The following HOGA1 variants were observed in gnomAD, a reference collection of about 807,000 sequenced individuals.
HOGA1 encodes 4-hydroxy-2-oxoglutarate aldolase 1, also known as 4-hydroxy-2-oxoglutarate aldolase, mitochondrial.
A neutral mutation model predicts 34.3 loss-of-function variants in HOGA1; 30 were observed. The observed-to-expected ratio is 0.87, with a 90% confidence interval of 0.65 to 1.19. The LOEUF (loss-of-function observed/expected upper bound fraction) is 1.19. Among genes scored for constraint, HOGA1 ranks in the 50% most tolerant of loss-of-function variants. HOGA1 has a pLI of 0.00. For missense variants in HOGA1, 417 were observed against 436.5 expected, an observed-to-expected ratio of 0.96 and a Z score of 0.40; for synonymous variants, 161 against 174.0, an observed-to-expected ratio of 0.93 and a Z score of 0.59.
At chr10:97,600,375 C>T (rs1215537789) in intron 5 of HOGA1, 11 of 622,812 alleles carry the variant, frequency 1.8e-5, no homozygotes, top group South Asian at 9.1e-5. Flanking sequence ...GGAGGATGGC[C>T]GTGTACAATC....
intron 1 of HOGA1, chr10:97,590,287 C>A (rs769587708): frequency 1.9e-6 from 3 of 1,613,770 alleles, no homozygotes; most frequent in African/African-American, 1.3e-5. Flanking sequence ...TGGCTGCCTG[C>A]ACCAAGGAGA....
intron 6 of HOGA1, among the ~76,000 whole-genome samples, chr10:97,609,990 T>A (rs2041183463): frequency 6.6e-6 from 1 of 152,258 alleles, no homozygotes; most frequent in Non-Finnish European, 1.5e-5. Flanking sequence ...AACAACCTTT[T>A]ATTTTTATCC....
rs185296607 is a variant in HOGA1, at chr10:97,606,096, G to A, written c.834+4106G>A. ...TCAGGAGTTCAAGACCTGCCTGGTC[G>A]AGATGGTGAAACCCCGTCTCTACTA... On this transcript the variant is annotated intron_variant, in intron 6 of 6. Transcript: ENST00000370646. 7.2e-4 allele frequency among the ~76,000 whole-genome samples: 97 copies of A among 135,662 alleles called. 4 individuals carry two copies. The East Asian group carries it at 0.018, about 26-fold the overall frequency. 89.0% of individuals were successfully genotyped at this position (135,662 alleles called of 152,430 possible). A position where few individuals can be genotyped will look rare whatever the true frequency, so the allele number is the denominator to read the frequency against.
At position 97,584,590 on chromosome 10, in the gene HOGA1, G is replaced by A. The variant is rs559777676; in HGVS notation, c.-114G>A. The A allele has an allele frequency of 4.1e-4, 412 of 994,762 alleles. No homozygotes were observed. Among genetic ancestry groups the A allele is most frequent in the Non-Finnish European group, 5.8e-4 (382 of 662,350 alleles). 61.6% of individuals were successfully genotyped at this position (994,762 alleles called of 1,614,324 possible). A position where few individuals can be genotyped will look rare whatever the true frequency, so the allele number is the denominator to read the frequency against. On this transcript the variant is annotated 5_prime_UTR_variant, in exon 1 of 7. Transcript: ENST00000370646. ...GCCTGCCCCAGTGGCCACAAGTCAG[G>A]GAGGCCGCAAATTTTTAACTAGAAA...
intron 1 of HOGA1, chr10:97,590,559 G>T (rs148944512): frequency 6.2e-7 from 1 of 1,611,254 alleles, no homozygotes; most frequent in Non-Finnish European, 8.5e-7. Context: ...CTGCCTAATC[G>T]CAGACACTAG....
In HOGA1 at chr10:97,601,925, T is replaced by G. The variant is rs267606764; in HGVS notation, c.769T>G (p.Cys257Gly). 2.0e-5 allele frequency: 33 copies of G among 1,613,152 alleles called. No individual in the cohort carries two copies. In the East Asian group the frequency reaches 6.2e-4, roughly 31 times the overall value. Residue 257 changes from cysteine to glycine, a missense_variant, in exon 6 of 7, where the codon TGC becomes GGC. By Grantham distance (159) the Cys-to-Gly change is radical (BLOSUM62 -3). Coordinates refer to ENST00000370646, the MANE Select transcript of HOGA1 (RefSeq NM_138413.4). ...GAQVCQLERLCCTGQWEDAQK... is the reference protein window; with the variant it reads ...GAQVCQLERLGCTGQWEDAQK... ...TCAGGTGTGCCAGCTGGAGCGACTG[T>G]GCTGCACGGGGCAATGGGAAGATGC... is the stretch of plus-strand genomic sequence containing the variant.
chr10:97,601,768 TCCCC>T, intron 5 of HOGA1, 85 bp from the exon 6 acceptor site: 1 of 1,479,934 alleles, frequency 6.8e-7, no homozygotes, highest in Non-Finnish European at 9.4e-7. Context: ...GTATCTAATG[TCCCC>T]AGGCTGAAGA....
chr10:97,593,029 C>CAAAAAAAAAAAAAAAA (rs1169191059), intron 1 of HOGA1, among the ~76,000 whole-genome samples: 556 of 47,674 alleles, frequency 0.012, 6 homozygotes, highest in Non-Finnish European at 0.019. Context: ...GACTCTGTCT[C>CAAAAAAAAAAAAAAAA]AAAAAAAAAA....
chr10:97,584,947 A>AGT (rs780503515), intron 1 of HOGA1, 33 bp downstream of exon 1: 29 of 1,583,886 alleles, frequency 1.8e-5, no homozygotes, highest in African/African-American at 2.7e-5. Context: ...GGACCTGGGG[A>AGT]GATGTGAGTG....
rs545636838 is a variant in HOGA1 at position 97,585,935 on chromosome 10, A to G, written c.211+1021A>G. On this transcript the variant is annotated intron_variant, in intron 1 of 6. Transcript: ENST00000370646. ...GGAGGGATCATGAGGTCAGGAGTTC[A>G]AGACCAGCCTGGCCAACATAGTGAA... Among the ~76,000 whole-genome samples, 163 of 152,204 alleles carry G rather than the reference A, an allele frequency of 1.1e-3. 1 individual carries two copies. Among genetic ancestry groups the G allele is most frequent in the African/African-American group, 3.9e-3 (160 of 41,512 alleles).
chr10:97,589,953 A>T (rs748267007), intron 1 of HOGA1: 2 of 1,614,010 alleles, frequency 1.2e-6, no homozygotes, highest in Non-Finnish European at 1.7e-6. Flanking sequence ...TGTCCATCAG[A>T]CAAGGACAAG....
At position 97,603,724 on chromosome 10, in the gene HOGA1, G is replaced by A. The variant is rs776273568; in HGVS notation, c.834+1734G>A. 6.6e-6 allele frequency among the ~76,000 whole-genome samples: 1 copy of A among 151,686 alleles called. No homozygotes were observed. The highest frequency in any genetic ancestry group is 1.5e-5 in the Non-Finnish European group (1 of 67,932). On this transcript the variant is annotated intron_variant, in intron 6 of 6. Transcript: ENST00000370646. The surrounding 1 kb of genome is among the most constrained non-coding windows in gnomAD (Gnocchi z 4.5). ...ATTACAGATGCCTGCCACCACACCC[G>A]GCTAATTTTTGTGCTTTTAGTGAAG...
At position 97,599,665 on chromosome 10, in the gene HOGA1, C is replaced by G. The variant is rs762085566; in HGVS notation, c.469-15C>G. ...GGCTGCCCTCTCCTGCTTTTCTCTG[C>G]GCCCCCCTCCCCAGGTTGCTGATCT... is the stretch of plus-strand genomic sequence containing the variant. On this transcript the variant is annotated splice_polypyrimidine_tract_variant and intron_variant, in intron 3 of 6. Transcript: ENST00000370646. 8 of 1,613,528 alleles carry G rather than the reference C, an allele frequency of 5.0e-6. No individual in the cohort carries two copies. The highest frequency in any genetic ancestry group is 1.7e-4 in the Middle Eastern group (1 of 5,912).
chr10:97,602,238 C>T, intron 6 of HOGA1: 4 of 1,490,466 alleles, frequency 2.7e-6, no homozygotes, highest in Non-Finnish European at 3.6e-6. Flanking sequence ...ATTAAAGTTC[C>T]AACTTTTGGG....
At chr10:97,607,427 C>G (rs2041165790) in intron 6 of HOGA1, among the ~76,000 whole-genome samples, 1 of 152,204 alleles carries the variant, frequency 6.6e-6, no homozygotes, top group Non-Finnish European at 1.5e-5. Flanking sequence ...TGTCTGAAAG[C>G]TTTCCATCTT....
chr10:97,606,044 G>A (rs1189231191), intron 6 of HOGA1, among the ~76,000 whole-genome samples: 2 of 151,488 alleles, frequency 1.3e-5, no homozygotes, highest in Non-Finnish European at 2.9e-5. Context: ...CAGCACTTTG[G>A]GAGGCCGAGG....
intron 3 of HOGA1, 152 bp from the exon 4 acceptor site, chr10:97,599,528 T>C (rs774681117): frequency 1.8e-5 from 17 of 967,436 alleles, no homozygotes; most frequent in Non-Finnish European, 2.6e-5. Flanking sequence ...CCCACTGTGA[T>C]TGCTTACACT....
At chr10:97,591,819 G>T (rs1402445279) in intron 1 of HOGA1, among the ~76,000 whole-genome samples, 1 of 124,594 alleles carries the variant, frequency 8.0e-6, no homozygotes, top group African/African-American at 3.2e-5. Context: ...CTTTCATTTT[G>T]TGTGTGTGTG....
At chr10:97,590,457 A>G (rs775184722) in intron 1 of HOGA1, 2 of 1,613,862 alleles carry the variant, frequency 1.2e-6, no homozygotes, top group Admixed American at 3.3e-5. Flanking sequence ...ACCCAGCGGG[A>G]AAACACCATA....
Sources: gnomAD v4.1 joint callset for allele counts (sites outside exome capture counted in the v4.1 genomes callset) on GRCh38, gnomAD v4.1.1 for gene constraint, Gnocchi (gnomAD v3.1) non-coding constraint, MANE v1.5 for transcripts, NCBI Gene and HGNC (gene_info 2026-07-23, HGNC 2026-07-21) for gene names.